The following NHSL2 variants were observed in gnomAD, a reference collection of about 807,000 sequenced individuals.
The protein encoded by NHSL2 is NHS like 2, also known as NHS-like protein 2.
A neutral mutation model predicts 53.4 loss-of-function variants in NHSL2; 27 were observed. The ratio of observed to expected loss-of-function variants is 0.51; its 90% CI spans 0.37 to 0.70. The LOEUF (loss-of-function observed/expected upper bound fraction) is 0.70, where lower values mean the gene tolerates loss of function less well. Among genes scored for constraint, NHSL2 ranks in the 30% least tolerant of loss-of-function variants. The probability of loss-of-function intolerance (pLI) is 0.00; values close to 1 mark genes in which losing one functional copy is unlikely to be tolerated. For missense variants in NHSL2, 892 were observed against 980.1 expected (o/e 0.91, Z 1.20); for synonymous variants, 408 against 404.1 (o/e 1.01, Z -0.12).
intron 1 of NHSL2, among the ~76,000 whole-genome samples, chrX:72,030,492 G>GTA (rs767553784): frequency 8.2e-5 from 9 of 110,400 alleles, no homozygotes; most frequent in Non-Finnish European, 7.5e-5. Context: ...AGTTGTATAT[G>GTA]TATATGTGTG....
intron 1 of NHSL2, among the ~76,000 whole-genome samples, chrX:71,921,015 G>A (rs1263851555): frequency 4.6e-5 from 5 of 109,013 alleles, no homozygotes; most frequent in African/African-American, 1.7e-4. Flanking sequence ...ATGTTGGTCA[G>A]GCTGGTCTTG....
At chrX:72,025,289 G>T (rs1021747206) in intron 1 of NHSL2, among the ~76,000 whole-genome samples, 21 of 112,338 alleles carry the variant, frequency 1.9e-4, no homozygotes, top group Non-Finnish European at 3.8e-4. Flanking sequence ...TTCCTAGAAA[G>T]GGTCCCTAAG....
rs73635608 is a variant in NHSL2 at position 72,029,452 on chromosome X, G to A, written c.281-102627G>A. 1.9e-3 allele frequency among the ~76,000 whole-genome samples: 213 copies of A among 112,678 alleles called. 1 individual carries two copies. The highest frequency in any genetic ancestry group is 6.6e-3 in the African/African-American group (205 of 31,056). Reference sequence around the variant, plus strand: ...ACTGGGCTTATCTAAAGGGTTATTTGTGAGCCTGGAAAAGGGATAGGGAAT... The same window carrying A: ...ACTGGGCTTATCTAAAGGGTTATTTATGAGCCTGGAAAAGGGATAGGGAAT... On this transcript the variant is annotated intron_variant, in intron 1 of 7. Coordinates refer to ENST00000633930, the MANE Select transcript of NHSL2 (RefSeq NM_001013627.3).
chrX:72,075,051 A>G (rs1263436009), intron 1 of NHSL2, among the ~76,000 whole-genome samples: 3 of 112,250 alleles, frequency 2.7e-5, no homozygotes, highest in Non-Finnish European at 5.6e-5. Flanking sequence ...GAGCCAGCAA[A>G]CACACTCGGA....
At chrX:72,082,867 G>A (rs2041804642) in intron 1 of NHSL2, among the ~76,000 whole-genome samples, 1 of 112,338 alleles carries the variant, frequency 8.9e-6, no homozygotes, top group African/African-American at 3.2e-5. Context: ...ATGCTCTCAG[G>A]CCTCATGGGC....
At chrX:72,120,728 A>G (rs1379048652) in intron 1 of NHSL2, among the ~76,000 whole-genome samples, 1 of 111,786 alleles carries the variant, frequency 8.9e-6, no homozygotes, top group Admixed American at 9.4e-5. Context: ...TCTTTTCTAC[A>G]CTCCTGCATG....
chrX:72,077,991 TC>T (rs1276001965), intron 1 of NHSL2, among the ~76,000 whole-genome samples: 1 of 112,819 alleles, frequency 8.9e-6, no homozygotes, highest in Admixed American at 9.3e-5. Context: ...AGATATTTAC[TC>T]ACAGAGTCAA....
At chrX:71,915,483 A>G (rs1396665365) in intron 1 of NHSL2, among the ~76,000 whole-genome samples, 1 of 112,348 alleles carries the variant, frequency 8.9e-6, no homozygotes, top group Non-Finnish European at 1.9e-5. Context: ...TGCTGAAAAG[A>G]TTTTAGTGCC....
At chrX:72,005,507 C>T (rs751774582) in intron 1 of NHSL2, among the ~76,000 whole-genome samples, 9 of 111,836 alleles carry the variant, frequency 8.0e-5, no homozygotes, top group African/African-American at 1.6e-4. Context: ...AGTAGTTCCC[C>T]GGAGTCATTT....
At chrX:72,093,687 G>A (rs1472446772) in intron 1 of NHSL2, among the ~76,000 whole-genome samples, 5 of 110,296 alleles carry the variant, frequency 4.5e-5, no homozygotes, top group South Asian at 3.9e-4. Context: ...ATCTGTGTGC[G>A]TGTGTGTGAA....
At chrX:71,917,273 C>T (rs1002566422) in intron 1 of NHSL2, among the ~76,000 whole-genome samples, 11 of 78,276 alleles carry the variant, frequency 1.4e-4, no homozygotes, top group African/African-American at 5.2e-4. Context: ...TCCCTCCCTC[C>T]CTCCCTCCCT....
intron 1 of NHSL2, among the ~76,000 whole-genome samples, chrX:72,053,948 G>A (rs769342325): frequency 3.0e-4 from 34 of 111,624 alleles, no homozygotes; most frequent in Admixed American, 4.8e-4. Flanking sequence ...CACTCACAGC[G>A]AGCTCCTTGG....
In NHSL2 at chrX:72,143,616, T is replaced by A; in HGVS notation, c.*42T>A. The stretch of plus-strand genomic sequence containing the variant: ...GCAGGGTTTACTTACTAAACTTGAG[T>A]AGAGAAGGGGGAAGAGAAAGGGTCT... On this transcript the variant is annotated 3_prime_UTR_variant, in exon 8 of 8. Transcript: ENST00000633930. 1 of 895,156 alleles carries A rather than the reference T, an allele frequency of 1.1e-6. No homozygotes were observed. The highest frequency in any genetic ancestry group is 1.5e-6 in the Non-Finnish European group (1 of 650,159). The allele number at this position is 895,156 out of a possible 1,213,427, so 73.8% of individuals were successfully genotyped here.
chrX:71,919,618 C>T (rs768705714), intron 1 of NHSL2, among the ~76,000 whole-genome samples: 1 of 111,873 alleles, frequency 8.9e-6, no homozygotes, highest in Non-Finnish European at 1.9e-5. Flanking sequence ...TCTTTCCCAA[C>T]CCGAGGATTT....
chrX:72,031,746 A>C (rs1373782060), intron 1 of NHSL2, among the ~76,000 whole-genome samples: 8 of 111,295 alleles, frequency 7.2e-5, no homozygotes, highest in Non-Finnish European at 1.5e-4. Context: ...GAAAAAAAAA[A>C]AAAAAAAACC....
At chrX:72,000,821 G>A (rs753729946) in intron 1 of NHSL2, among the ~76,000 whole-genome samples, 1 of 112,250 alleles carries the variant, frequency 8.9e-6, no homozygotes, top group East Asian at 2.8e-4. Context: ...CCCCATTTCA[G>A]TCAATGTCAG....
At chrX:72,083,506 C>G (rs1159824367) in intron 1 of NHSL2, among the ~76,000 whole-genome samples, 1 of 112,149 alleles carries the variant, frequency 8.9e-6, no homozygotes, top group African/African-American at 3.2e-5. Flanking sequence ...TGTAACAAAG[C>G]TAGAGCAGGC....
chrX:72,136,171 A>T (rs73624215), intron 4 of NHSL2, among the ~76,000 whole-genome samples: 4 of 111,281 alleles, frequency 3.6e-5, no homozygotes, highest in African/African-American at 6.6e-5. Flanking sequence ...GGGGAATCAC[A>T]GACCTCGCCC....
chrX:72,107,964 A>G (rs2042059882), intron 1 of NHSL2, among the ~76,000 whole-genome samples: 1 of 111,649 alleles, frequency 9.0e-6, no homozygotes, highest in African/African-American at 3.3e-5. Context: ...CTAGAAGATG[A>G]CTCTCTTGGC....
Sources: gnomAD v4.1 joint callset for allele counts (sites outside exome capture counted in the v4.1 genomes callset) on GRCh38, gnomAD v4.1.1 for gene constraint, MANE v1.5 for transcripts, NCBI Gene and HGNC (gene_info 2026-07-23, HGNC 2026-07-21) for gene names.